The following EFCAB5 variants were observed in gnomAD, a reference collection of about 807,000 sequenced individuals.
EFCAB5 encodes the protein EF-hand calcium binding domain 5.
EFCAB5 carries 131 observed loss-of-function variants against 167.9 expected under a neutral mutation model. The observed-to-expected ratio is 0.78, with a 90% CI of 0.68 to 0.90. The LOEUF (loss-of-function observed/expected upper bound fraction) is 0.90, where lower values mean the gene tolerates loss of function less well. EFCAB5 is among the 40% of genes least tolerant of loss of function. The pLI is 0.00. For synonymous variants in EFCAB5, 574 were observed against 602.8 expected, an observed-to-expected ratio of 0.95 and a Z score of 0.70; for missense variants, 1,663 against 1,745.2, an observed-to-expected ratio of 0.95 and a Z score of 0.84.
At chr17:30,063,565 T>C (rs574596050) in intron 14 of EFCAB5, among the ~76,000 whole-genome samples, 1 of 152,206 alleles carries the variant, frequency 6.6e-6, no homozygotes, top group South Asian at 2.1e-4. Flanking sequence ...ATCCTGTCTC[T>C]ATGGGCAACC....
intron 3 of EFCAB5, among the ~76,000 whole-genome samples, chr17:29,947,436 C>T (rs1057332330): frequency 8.5e-5 from 13 of 152,080 alleles, no homozygotes; most frequent in Admixed American, 2.0e-4. Flanking sequence ...GAAGGAGGGG[C>T]AAGGGATTTA....
chr17:30,066,194 C>G (rs559011192), intron 14 of EFCAB5, among the ~76,000 whole-genome samples: 2 of 151,982 alleles, frequency 1.3e-5, no homozygotes, highest in African/African-American at 4.8e-5. Context: ...CAGGATAGAC[C>G]ACATGCTAAG....
chr17:30,016,225 A>G (rs968343533), intron 7 of EFCAB5, among the ~76,000 whole-genome samples: 1 of 152,058 alleles, frequency 6.6e-6, no homozygotes, highest in African/African-American at 2.4e-5. Flanking sequence ...AATTTTTATG[A>G]AGCACAAAAG....
intron 14 of EFCAB5, among the ~76,000 whole-genome samples, chr17:30,062,637 G>A (rs1037953716): frequency 6.6e-6 from 1 of 152,166 alleles, no homozygotes; most frequent in Non-Finnish European, 1.5e-5. Flanking sequence ...CGGCTGGAGT[G>A]TGTCTTGCTC....
chr17:30,071,458 C>G (rs1054577745), intron 14 of EFCAB5, among the ~76,000 whole-genome samples: 4 of 151,146 alleles, frequency 2.6e-5, no homozygotes, highest in African/African-American at 9.8e-5. Context: ...AGTATTATCT[C>G]ACCCTGGCTA....
rs906468665 is a variant in EFCAB5, at chr17:30,027,293, C to CTT, written c.1045-6912_1045-6911dup. On this transcript the variant is annotated intron_variant, in intron 7 of 22. Transcript: ENST00000394835. ...AGCCACCATGCCCAGCCACACCAGT[C>CTT]TTTTTTTTTTTTTTTTTTTTTTTTT... is the stretch of plus-strand genomic sequence containing the variant. Among the ~76,000 whole-genome samples the CTT allele has an allele frequency of 2.0e-3, 135 of 67,344 alleles. 2 individuals carry two copies. The highest frequency in any genetic ancestry group is 6.0e-3 in the African/African-American group (105 of 17,524). 44.2% of individuals were successfully genotyped at this position (67,344 alleles called of 152,430 possible).
upstream of EFCAB5, among the ~76,000 whole-genome samples, chr17:29,941,414 A>G (rs911956277): frequency 6.6e-6 from 1 of 152,158 alleles, no homozygotes; most frequent in African/African-American, 2.4e-5. Context: ...GGTAGCCATA[A>G]AAGTTTCACT....
intron 14 of EFCAB5, among the ~76,000 whole-genome samples, chr17:30,073,458 C>G (rs1008943555): frequency 1.3e-5 from 2 of 152,100 alleles, no homozygotes; most frequent in Admixed American, 1.3e-4. Context: ...TAATATTTTA[C>G]CTCACTTTTT....
rs546601510 is a variant in EFCAB5, at chr17:29,984,630, A to C, written c.768-8535A>C. 2.0e-4 allele frequency among the ~76,000 whole-genome samples: 30 copies of C among 152,272 alleles called. No homozygotes were observed. In the South Asian group the frequency reaches 4.6e-3, roughly 23 times the overall value. ...CTACTTGGGAGGCTGAGGCAGGAGA[A>C]TTGCTTGAAACTGGAAGGCAGAGGT... is the stretch of plus-strand genomic sequence containing the variant. On this transcript the variant is annotated intron_variant, in intron 4 of 22. Transcript: ENST00000394835.
In EFCAB5 at chr17:30,050,387, G is replaced by A. The variant is rs556333430; in HGVS notation, c.1201-731G>A. The stretch of plus-strand genomic sequence containing the variant: ...CGACCTTAGGTGATCCACCCACCTC[G>A]GCCTCCCAAAGTGCTGGGATTACAG... On this transcript the variant is annotated intron_variant, in intron 8 of 22. Transcript: ENST00000394835. 3.9e-5 allele frequency among the ~76,000 whole-genome samples: 6 copies of A among 152,108 alleles called. No individual in the cohort carries two copies. The South Asian group carries it at 8.3e-4, about 21-fold the overall frequency.
At chr17:29,930,272 T>G (rs923201592) in intron 1 of EFCAB5, 13 of 481,744 alleles carry the variant, frequency 2.7e-5, no homozygotes, top group East Asian at 7.3e-5. Context: ...CTACCGCCTC[T>G]CCCCTCGGCG....
chr17:30,038,965 G>A (rs1024066557), intron 8 of EFCAB5, among the ~76,000 whole-genome samples: 1 of 152,128 alleles, frequency 6.6e-6, no homozygotes, highest in Non-Finnish European at 1.5e-5. Flanking sequence ...GACCCACCTG[G>A]TGTGACGAAT....
intron 8 of EFCAB5, among the ~76,000 whole-genome samples, chr17:30,035,884 T>C (rs1469813261): frequency 2.0e-5 from 3 of 151,886 alleles, no homozygotes; most frequent in South Asian, 4.1e-4. Flanking sequence ...CAGAATAGCA[T>C]ATTTTAACCC....
upstream of EFCAB5, among the ~76,000 whole-genome samples, chr17:29,940,771 G>A (rs2067287180): frequency 6.6e-6 from 1 of 152,166 alleles, no homozygotes; most frequent in Non-Finnish European, 1.5e-5. Flanking sequence ...CGGGTGCGGT[G>A]CCTCACACCT....
chr17:30,053,411 A>G lies in EFCAB5; in HGVS notation c.1457A>G (p.Glu486Gly). ...HASKTQSKLL[E>G]SPDQPKLNEQ... The stretch of plus-strand genomic sequence containing the variant: ...AGCAAAACCCAAAGTAAATTATTAG[A>G]AAGTCCAGATCAACCTAAACTTAAC... The change falls in exon 10 of 23, where the codon GAA becomes GGA. Residue 486 changes from glutamate (E) to glycine (G), a missense_variant. Transcript: ENST00000394835. The G allele has an allele frequency of 6.2e-7, 1 of 1,614,038 alleles. No homozygotes were observed.
At chr17:29,968,168 G>A (rs1301516263) in intron 3 of EFCAB5, among the ~76,000 whole-genome samples, 7 of 152,082 alleles carry the variant, frequency 4.6e-5, no homozygotes, top group Admixed American at 6.6e-5. Context: ...GAGCCACTGC[G>A]CCCAGCCTTC....
At chr17:30,004,108 G>A (rs376142307) in intron 7 of EFCAB5, among the ~76,000 whole-genome samples, 3 of 152,346 alleles carry the variant, frequency 2.0e-5, no homozygotes, top group East Asian at 3.9e-4. Flanking sequence ...AAGAGGCCTG[G>A]CTTCTCCCCT....
At chr17:30,001,662 AG>A (rs1449780177) in intron 7 of EFCAB5, among the ~76,000 whole-genome samples, 2 of 152,246 alleles carry the variant, frequency 1.3e-5, no homozygotes, top group African/African-American at 4.8e-5. Context: ...TCTCCATAAA[AG>A]ATAATATAAG....
intron 8 of EFCAB5, among the ~76,000 whole-genome samples, chr17:30,042,541 TA>T (rs1597715634): frequency 6.6e-6 from 1 of 152,128 alleles, no homozygotes; most frequent in African/African-American, 2.4e-5. Context: ...CAAATTACAT[TA>T]AATGGATAAA....
Sources: gnomAD v4.1 joint callset for allele counts (sites outside exome capture counted in the v4.1 genomes callset) on GRCh38, gnomAD v4.1.1 for gene constraint, MANE v1.5 for transcripts, NCBI Gene and HGNC (gene_info 2026-07-23, HGNC 2026-07-21) for gene names.